Variants in PRSS12 observed in about 807,000 individuals in gnomAD.
The protein encoded by PRSS12 is serine protease 12, also known as neurotrypsin.
Under a neutral mutation model 104.4 loss-of-function variants are expected in PRSS12, and 85 were observed. The observed-to-expected ratio is 0.81, with a 90% CI of 0.68 to 0.98. The LOEUF (loss-of-function observed/expected upper bound fraction) is 0.98. PRSS12 is among the 50% of genes least tolerant of loss of function. PRSS12 has a pLI of 0.00. For missense variants in PRSS12, 1,141 were observed against 1,139.2 expected (o/e 1.00, Z -0.02); for synonymous variants, 454 against 425.2 (o/e 1.07, Z -0.83).
chr4:118,327,216 G>A (rs1167139545), intron 4 of PRSS12, among the ~76,000 whole-genome samples: 1 of 152,016 alleles, frequency 6.6e-6, no homozygotes, highest in Non-Finnish European at 1.5e-5. Context: ...GTGCAGTGGT[G>A]CAACTGCAAC....
Position 118,280,128 on chromosome 4 carries a change from T to C in PRSS12, c.*1808A>G, listed in dbSNP as rs1052588887. ...TCACACTTAAGACATAGTAAAAGCA[T>C]GTTGTATGAACCATGTATTCTTAAG... On this transcript the variant is annotated 3_prime_UTR_variant, in exon 13 of 13. Coordinates refer to ENST00000296498, the MANE Select transcript of PRSS12 (RefSeq NM_003619.4). The C allele has an allele frequency of 6.6e-6, 1 of 152,262 alleles. No homozygotes were observed. The highest frequency in any genetic ancestry group is 2.4e-5 in the African/African-American group (1 of 41,468). 9.4% of individuals were successfully genotyped at this position (152,262 alleles called of 1,614,324 possible).
intron 11 of PRSS12, among the ~76,000 whole-genome samples, chr4:118,286,814 G>A (rs979609927): frequency 1.2e-4 from 19 of 152,136 alleles, no homozygotes; most frequent in South Asian, 6.2e-4. Flanking sequence ...CAGATCCACC[G>A]TCAGACTTGG....
chr4:118,301,418 G>A (rs1743403988), intron 8 of PRSS12, among the ~76,000 whole-genome samples: 1 of 152,080 alleles, frequency 6.6e-6, no homozygotes, highest in African/African-American at 2.4e-5. Context: ...AAGGTTGAAA[G>A]CCACTGCTGC....
Position 118,352,248 on chromosome 4 carries a change from A to C in PRSS12, c.473T>G (p.Val158Gly), listed in dbSNP as rs1578947743. Residue 158 changes from valine (V) to glycine (G), a missense_variant, in exon 1 of 13, where the codon GTG becomes GGG. Coordinates refer to ENST00000296498, the MANE Select transcript of PRSS12 (RefSeq NM_003619.4). ...WCFYGDARGK[V>G]DWGYCDCRHG... Reference sequence around the variant, plus strand: ...TCTGCAGTCGCAGTAGCCCCAGTCCACCTTGCCACGGGCGTCTCCGTAGAA... The same window carrying C: ...TCTGCAGTCGCAGTAGCCCCAGTCCCCCTTGCCACGGGCGTCTCCGTAGAA... The C allele has an allele frequency of 1.2e-6, 2 of 1,611,248 alleles. No individual in the cohort carries two copies. The highest frequency in any genetic ancestry group is 2.2e-5 in the East Asian group (1 of 44,780).
chr4:118,282,631 TCA>T lies in PRSS12; in HGVS notation c.2320+198_2320+199del, dbSNP rs538709637. 1.2e-3 allele frequency among the ~76,000 whole-genome samples: 177 copies of T among 152,340 alleles called. 1 individual carries two copies. Among genetic ancestry groups the T allele is most frequent in the African/African-American group, 3.9e-3 (164 of 41,572 alleles). ...TACTTCACTGAATTAAACTGAGTTC[TCA>T]GTTTATGCTAAAGTTCTCATTAGAA... On this transcript the variant is annotated intron_variant, in intron 12 of 12. Transcript: ENST00000296498.
At chr4:118,311,690 A>G (rs1743733952) in intron 7 of PRSS12, among the ~76,000 whole-genome samples, 1 of 152,206 alleles carries the variant, frequency 6.6e-6, no homozygotes, top group South Asian at 2.1e-4. Flanking sequence ...CATAATAGTG[A>G]TCATATATTT....
chr4:118,291,505 C>T (rs1743126538), intron 11 of PRSS12, among the ~76,000 whole-genome samples: 1 of 152,064 alleles, frequency 6.6e-6, no homozygotes, highest in Non-Finnish European at 1.5e-5. Flanking sequence ...TGTGTTAAAG[C>T]AAAAATTATC....
chr4:118,325,333 A>C (rs1723744407), intron 4 of PRSS12, among the ~76,000 whole-genome samples: 1 of 151,820 alleles, frequency 6.6e-6, no homozygotes, highest in Admixed American at 6.6e-5. Flanking sequence ...TAAAAAAAAA[A>C]AAAAAACACT....
rs144866250 is a variant in PRSS12, at chr4:118,331,721, G to A, written c.966C>T (p.Gly322=). 269 of 1,613,998 alleles carry A rather than the reference G, an allele frequency of 1.7e-4. No homozygotes were observed. The African/African-American group carries it at 3.4e-3, about 20-fold the overall frequency. The change falls in exon 4 of 13, where the codon GGC becomes GGT. Residue 322 remains glycine, a synonymous_variant. Coordinates refer to ENST00000296498, the MANE Select transcript of PRSS12 (RefSeq NM_003619.4). ...CAAGAGTAGTAAAAACAAACCTGAGGCCCAGCTGCCTGCAGATCACTTCTG... is the reference window on the plus strand; with the variant it reads ...CAAGAGTAGTAAAAACAAACCTGAGACCCAGCTGCCTGCAGATCACTTCTG... ...ADAEVICRQL[G]LSGIAKAWHQ... is the part of the protein sequence containing the mutation.
In PRSS12 at chr4:118,298,754, C is replaced by A. The variant is rs28661939; in HGVS notation, c.1816G>T (p.Ala606Ser). The A allele has an allele frequency of 0.15, 241,835 of 1,613,950 alleles. 19,132 individuals carry two copies. Among genetic ancestry groups the A allele is most frequent in the South Asian group, 0.21 (18,938 of 91,074 alleles). ...TTACCTTTATTACTGTTACCTGAGGCCTTCTTGCCAAAATAATCACAAATA... is the reference window on the plus strand; with the variant it reads ...TTACCTTTATTACTGTTACCTGAGGACTTCTTGCCAAAATAATCACAAATA... ...GVICDYFGKK[A>S]SGNSNKESLS... Residue 606 changes from alanine to serine, a missense_variant, in exon 9 of 13, where the codon GCC (alanine) becomes TCC (serine). Coordinates refer to ENST00000296498, the MANE Select transcript of PRSS12 (RefSeq NM_003619.4).
At chr4:118,290,283 T>C (rs1429158189) in intron 11 of PRSS12, among the ~76,000 whole-genome samples, 1 of 152,170 alleles carries the variant, frequency 6.6e-6, no homozygotes, top group Non-Finnish European at 1.5e-5. Context: ...GTGTTTAACC[T>C]CAAGTGCAAC....
At chr4:118,307,787 C>G (rs1743594580) in intron 8 of PRSS12, among the ~76,000 whole-genome samples, 1 of 152,098 alleles carries the variant, frequency 6.6e-6, no homozygotes, top group Non-Finnish European at 1.5e-5. Context: ...CATTTTCTCT[C>G]TAAGTCACAC....
chr4:118,309,808 A>G (rs1743658270), intron 7 of PRSS12, among the ~76,000 whole-genome samples: 1 of 152,220 alleles, frequency 6.6e-6, no homozygotes, highest in African/African-American at 2.4e-5. Flanking sequence ...TTAAACCAAT[A>G]TGTGAAGTTA....
Position 118,280,408 on chromosome 4 carries a change from T to A in PRSS12, c.*1528A>T, listed in dbSNP as rs934406273. On this transcript the variant is annotated 3_prime_UTR_variant, in exon 13 of 13. Transcript: ENST00000296498. ...AAAATCATGAGTTTTTACAAAAGTT[T>A]TTAATGCTCTTCTGCATTATATGCA... 1 of 152,264 alleles carries A rather than the reference T, an allele frequency of 6.6e-6. No homozygotes were observed. Among genetic ancestry groups the A allele is most frequent in the Non-Finnish European group, 1.5e-5 (1 of 68,048 alleles). The allele number at this position is 152,264 out of a possible 1,614,324, so 9.4% of individuals were successfully genotyped here. A position where few individuals can be genotyped will look rare whatever the true frequency, so the allele number is the denominator to read the frequency against.
chr4:118,288,740 T>C (rs1743064113), intron 11 of PRSS12, among the ~76,000 whole-genome samples: 1 of 152,234 alleles, frequency 6.6e-6, no homozygotes, highest in Admixed American at 6.5e-5. Context: ...GGCAATTTCA[T>C]GGTACTTGTA....
intron 1 of PRSS12, among the ~76,000 whole-genome samples, chr4:118,347,972 G>A (rs1465976789): frequency 1.3e-5 from 2 of 152,206 alleles, no homozygotes; most frequent in Non-Finnish European, 2.9e-5. Context: ...GCTCATGCCT[G>A]TAATTCCAGT....
At chr4:118,308,633 G>A in intron 7 of PRSS12, 56 bp from the exon 8 acceptor site, 1 of 1,578,944 alleles carries the variant, frequency 6.3e-7, no homozygotes, top group South Asian at 1.1e-5. Flanking sequence ...TGATTCTAAA[G>A]CATGAGCGAC....
chr4:118,316,665 T>C (rs1723430389), intron 5 of PRSS12, among the ~76,000 whole-genome samples: 1 of 151,496 alleles, frequency 6.6e-6, no homozygotes, highest in South Asian at 2.1e-4. Flanking sequence ...CTACTAAAAA[T>C]ACAAAAATTA....
chr4:118,297,875 C>T (rs956316312), intron 9 of PRSS12, among the ~76,000 whole-genome samples: 3 of 152,122 alleles, frequency 2.0e-5, no homozygotes, highest in South Asian at 2.1e-4. Flanking sequence ...TGGTGGCTCA[C>T]GCCTGTAGTC....
Sources: gnomAD v4.1 joint callset for allele counts (sites outside exome capture counted in the v4.1 genomes callset) on GRCh38, gnomAD v4.1.1 for gene constraint, MANE v1.5 for transcripts, NCBI Gene and HGNC (gene_info 2026-07-23, HGNC 2026-07-21) for gene names.